HGS: variants seen among roughly 807,000 people sequenced by gnomAD.
HGS encodes the protein hepatocyte growth factor-regulated tyrosine kinase substrate.
In HGS, 63 loss-of-function variants were observed where a neutral mutation model predicts 109.7. The observed-to-expected ratio is 0.57, with a 90% CI of 0.47 to 0.71. HGS has a LOEUF of 0.71. HGS is among the 30% of genes least tolerant of loss of function. The pLI is 0.00. For missense variants in HGS, 995 were observed against 1,068.3 expected (o/e 0.93, Z 0.96); for synonymous variants, 546 against 437.3 (o/e 1.25, Z -3.10).
intron 15 of HGS, 30 bp downstream of exon 15, chr17:81,696,029 C>A: frequency 6.6e-7 from 1 of 1,514,218 alleles, no homozygotes; most frequent in South Asian, 1.3e-5. Flanking sequence ...GGCCTCGGCT[C>A]AGGGGCAGCC....
At chr17:81,699,903 G>A (rs75879032) in intron 18 of HGS, among the ~76,000 whole-genome samples, 10,427 of 149,234 alleles carry the variant, frequency 0.07, 430 homozygotes, top group East Asian at 0.22. Flanking sequence ...GGTGAAACCC[G>A]TCTCTCCTAA....
rs2037224734 is a variant in HGS at position 81,700,752 on chromosome 17, A to G, written c.2074A>G (p.Ser692Gly). The change falls in exon 20 of 22, where the codon AGC becomes GGC. Residue 692 changes from serine to glycine, a missense_variant. Transcript: ENST00000329138. ...LPAISQPPQS[S>G]TMGYMGSQSV... The stretch of plus-strand genomic sequence containing the variant: ...GGCCATCTCTCAGCCTCCGCAGTCC[A>G]GCACCATGGGCTACATGGGGAGCCA... 6.2e-7 allele frequency: 1 copy of G among 1,611,998 alleles called. No homozygotes were observed. The highest frequency in any genetic ancestry group is 1.7e-5 in the Admixed American group (1 of 59,916).
At position 81,693,768 on chromosome 17, in the gene HGS, C is replaced by A; in HGVS notation, c.840+16C>A. On this transcript the variant is annotated intron_variant, in intron 10 of 21. Transcript: ENST00000329138. ...GGAGAGGCTGGTAAGCCGGGTGGGG[C>A]GGGGCGGCCTCAGGAGGGGCCCAGC... 6.5e-7 allele frequency: 1 copy of A among 1,536,460 alleles called. No homozygotes were observed. Among genetic ancestry groups the A allele is most frequent in the Non-Finnish European group, 8.7e-7 (1 of 1,143,816 alleles).
chr17:81,695,631 C>T (rs2037133648), intron 14 of HGS, 155 bp from the exon 15 acceptor site: 1 of 688,288 alleles, frequency 1.5e-6, no homozygotes, highest in African/African-American at 1.8e-5. Flanking sequence ...CCTCCAGGGC[C>T]TCGCCTTCCT....
At position 81,691,757 on chromosome 17, in the gene HGS, G is replaced by A; in HGVS notation, c.662+186G>A. On this transcript the variant is annotated intron_variant, in intron 8 of 21. Coordinates refer to ENST00000329138, the MANE Select transcript of HGS (RefSeq NM_004712.5). The surrounding 1 kb of genome is among the most constrained non-coding windows in gnomAD (Gnocchi z 5.3). The stretch of plus-strand genomic sequence containing the variant: ...CGGACCCTGCCCCACACTAGGGCAG[G>A]TGGGTGTGAGAGACAGGGCGCCGCG... The A allele has an allele frequency of 4.6e-6, 3 of 656,582 alleles. No individual in the cohort carries two copies. The highest frequency in any genetic ancestry group is 7.6e-6 in the Non-Finnish European group (3 of 394,830). 40.7% of individuals were successfully genotyped at this position (656,582 alleles called of 1,614,324 possible).
Position 81,700,833 on chromosome 17 carries a change from C to T in HGS, c.2136+19C>T, listed in dbSNP as rs201252002. The T allele has an allele frequency of 6.2e-7, 1 of 1,604,560 alleles. No homozygotes were observed. The highest frequency in any genetic ancestry group is 1.3e-5 in the African/African-American group (1 of 74,852). On this transcript the variant is annotated intron_variant, in intron 20 of 21. Coordinates refer to ENST00000329138, the MANE Select transcript of HGS (RefSeq NM_004712.5). ...CATGCAGGTACAGTGACCTCCAGGCCCTGCTGGGGGCCAGGGTGGGGGAGC... is the reference window on the plus strand; with the variant it reads ...CATGCAGGTACAGTGACCTCCAGGCTCTGCTGGGGGCCAGGGTGGGGGAGC...
At chr17:81,700,190 C>A (rs544082914) in intron 18 of HGS, among the ~76,000 whole-genome samples, 1 of 151,448 alleles carries the variant, frequency 6.6e-6, no homozygotes, top group East Asian at 1.9e-4. Context: ...CATGATGAAA[C>A]CCCATCTTTA....
In HGS at chr17:81,701,107, G is replaced by A. The variant is rs140803494; in HGVS notation, c.2199G>A (p.Ala733=). Reference sequence around the variant, plus strand: ...TGCCACCCCAGCAGCCCTACATCGCGGGGCAGCAGCCCATGTACCAGCAGG... The same window carrying A: ...TGCCACCCCAGCAGCCCTACATCGCAGGGCAGCAGCCCATGTACCAGCAGG... ...ASLPPQQPYI[A]GQQPMYQQMA... is the part of the protein sequence containing the mutation. Residue 733 remains alanine (A), a synonymous_variant, in exon 21 of 22, where the codon GCG becomes GCA. Coordinates refer to ENST00000329138, the MANE Select transcript of HGS (RefSeq NM_004712.5). The A allele has an allele frequency of 1.3e-5, 21 of 1,613,778 alleles. No individual in the cohort carries two copies. The highest frequency in any genetic ancestry group is 1.6e-4 in the Middle Eastern group (1 of 6,082).
At position 81,700,557 on chromosome 17, in the gene HGS, C is replaced by T. The variant is rs904981113; in HGVS notation, c.1973C>T (p.Pro658Leu). 6.2e-7 allele frequency: 1 copy of T among 1,610,922 alleles called. No homozygotes were observed. Among genetic ancestry groups the T allele is most frequent in the Non-Finnish European group, 8.5e-7 (1 of 1,178,542 alleles). ...PQAQAGPTAS[P>L]AYSSYQPTPT... ...GCCCAGGCCGGACCCACCGCCAGCCCCGCTTACTCATCCTACCAGCCTACT... is the reference window on the plus strand; with the variant it reads ...GCCCAGGCCGGACCCACCGCCAGCCTCGCTTACTCATCCTACCAGCCTACT... The change falls in exon 19 of 22, where the codon CCC (proline) becomes CTC (leucine). Residue 658 changes from proline (P) to leucine (L), a missense_variant. By Grantham distance (98) the Pro-to-Leu change is moderately conservative. Transcript: ENST00000329138.
Position 81,687,065 on chromosome 17 carries a change from G to A in HGS, c.261G>A (p.Gln87=). The A allele has an allele frequency of 6.2e-7, 1 of 1,613,316 alleles. No homozygotes were observed. Among genetic ancestry groups the A allele is most frequent in the Non-Finnish European group, 8.5e-7 (1 of 1,179,906 alleles). The change falls in exon 4 of 22, where the codon CAG becomes CAA. Residue 87 remains glutamine, a synonymous_variant. Coordinates refer to ENST00000329138, the MANE Select transcript of HGS (RefSeq NM_004712.5). ...TTCATGATGAGGTGGCCAACAAGCAGACCATGGAGGAGCTGAAGGACCTGC... is the reference window on the plus strand; with the variant it reads ...TTCATGATGAGGTGGCCAACAAGCAAACCATGGAGGAGCTGAAGGACCTGC... ...QTVHDEVANK[Q]TMEELKDLLK...
chr17:81,685,058 G>A (rs914006899), intron 1 of HGS: 1 of 985,250 alleles, frequency 1.0e-6, no homozygotes, highest in African/African-American at 1.7e-5. Flanking sequence ...CAGTGATGTG[G>A]TATGATGACA....
Position 81,701,071 on chromosome 17 carries a change from G to A in HGS, c.2163G>A (p.Gln721=). The A allele has an allele frequency of 1.2e-6, 2 of 1,614,096 alleles. No homozygotes were observed. Among genetic ancestry groups the A allele is most frequent in the Non-Finnish European group, 1.7e-6 (2 of 1,180,026 alleles). The part of the protein sequence containing the change: ...MQNLMTTLPS[Q]DASLPPQQPY... ...ATCTCATGACCACCCTCCCAAGCCAGGATGCGTCTCTGCCACCCCAGCAGC... is the reference window on the plus strand; with the variant it reads ...ATCTCATGACCACCCTCCCAAGCCAAGATGCGTCTCTGCCACCCCAGCAGC... The change falls in exon 21 of 22, where the codon CAG becomes CAA. Residue 721 remains glutamine, a synonymous_variant. Coordinates refer to ENST00000329138, the MANE Select transcript of HGS (RefSeq NM_004712.5).
In HGS at chr17:81,696,561, C is replaced by T. The variant is rs375578360; in HGVS notation, c.1566+32C>T. 1.7e-4 allele frequency: 262 copies of T among 1,549,748 alleles called. 2 individuals are homozygous for T. Among genetic ancestry groups the T allele is most frequent in the Middle Eastern group, 3.4e-4 (2 of 5,818 alleles). ...TGGCTGCCCAGCCACAGGCCGGGGC[C>T]GGCTGGGGGACCTCGCAGCATAACC... is the stretch of plus-strand genomic sequence containing the variant. On this transcript the variant is annotated intron_variant, in intron 16 of 21. Coordinates refer to ENST00000329138, the MANE Select transcript of HGS (RefSeq NM_004712.5).
chr17:81,701,006 C>T, intron 20 of HGS, 39 bp from the exon 21 acceptor site: 1 of 1,586,004 alleles, frequency 6.3e-7, no homozygotes, highest in East Asian at 2.2e-5. Flanking sequence ...TGCCTGGTCA[C>T]AGGGCTACTC....
chr17:81,688,783 A>G lies in HGS; in HGVS notation c.371A>G (p.Lys124Arg). Residue 124 changes from lysine (K) to arginine (R), a missense_variant, in exon 5 of 22, where the codon AAG (lysine) becomes AGG (arginine). Physicochemically the swap from Lys to Arg is conservative, Grantham distance 26. Coordinates refer to ENST00000329138, the MANE Select transcript of HGS (RefSeq NM_004712.5). ...GCGCATGCCTTCCGGAACGAGCCCA[A>G]GTACAAGGTGGTCCAGGACACCTAC... Reference protein sequence around the residue: ...AWAHAFRNEPKYKVVQDTYQI... With the variant: ...AWAHAFRNEPRYKVVQDTYQI... The G allele has an allele frequency of 6.2e-7, 1 of 1,614,196 alleles. No homozygotes were observed. Among genetic ancestry groups the G allele is most frequent in the Non-Finnish European group, 8.5e-7 (1 of 1,180,024 alleles).
chr17:81,693,367 AC>A, intron 8 of HGS, 135 bp from the exon 9 acceptor site: 1 of 688,398 alleles, frequency 1.5e-6, no homozygotes, highest in South Asian at 1.7e-5. Context: ...GGCCATTCGG[AC>A]ACCTGTGGCT....
intron 18 of HGS, among the ~76,000 whole-genome samples, chr17:81,698,581 T>C (rs991263066): frequency 1.6e-4 from 25 of 152,048 alleles, no homozygotes; most frequent in African/African-American, 6.0e-4. Context: ...AGCAGCCATT[T>C]CTCCAAGGAG....
In HGS at chr17:81,696,163, A is replaced by ATGCCCTGCCCTGCCC. The variant is rs58903919; in HGVS notation, c.1394-168_1394-154dup. On this transcript the variant is annotated intron_variant, in intron 15 of 21. Coordinates refer to ENST00000329138, the MANE Select transcript of HGS (RefSeq NM_004712.5). ...ACAGGAGGTGGTCTCAGTGATGACC[A>ATGCCCTGCCCTGCCC]TGCCCTGCCCTGCCCTGCCCTGCCC... 106 of 768,986 alleles carry ATGCCCTGCCCTGCCC rather than the reference A, an allele frequency of 1.4e-4. 2 individuals are homozygous for ATGCCCTGCCCTGCCC. Among genetic ancestry groups the ATGCCCTGCCCTGCCC allele is most frequent in the Middle Eastern group, 1.2e-3 (3 of 2,548 alleles). The allele number at this position is 768,986 out of a possible 1,614,324, so 47.6% of individuals were successfully genotyped here.
intron 18 of HGS, chr17:81,697,796 A>G (rs1417150613): frequency 6.6e-6 from 1 of 152,174 alleles, no homozygotes; most frequent in African/African-American, 2.4e-5. Context: ...CGTCAGTCAC[A>G]GCAGCGTGGA....
Sources: allele counts gnomAD v4.1 joint callset (sites outside exome capture counted in the v4.1 genomes callset), GRCh38; gene constraint gnomAD v4.1.1; non-coding constraint Gnocchi (gnomAD v3.1); transcripts MANE v1.5; gene names NCBI Gene and HGNC (gene_info 2026-07-23, HGNC 2026-07-21).